KANK1: variants seen among roughly 807,000 people sequenced by gnomAD.
KANK1 encodes the protein KN motif and ankyrin repeat domain-containing protein 1.
A neutral mutation model predicts 106.2 loss-of-function variants in KANK1; 109 were observed. The ratio of observed to expected loss-of-function variants is 1.03; its 90% CI spans 0.88 to 1.20. KANK1 has a LOEUF of 1.20. KANK1 is among the 50% of genes most tolerant of loss of function. The probability of loss-of-function intolerance (pLI) is 0.00; values close to 1 mark genes in which losing one functional copy is unlikely to be tolerated. For synonymous variants in KANK1, 873 were observed against 652.2 expected (o/e 1.34, Z -5.16); for missense variants, 2,399 against 1,710.7 (o/e 1.40, Z -7.10).
chr9:666,495 G>C (rs901587341), intron 1 of KANK1, among the ~76,000 whole-genome samples: 1 of 152,006 alleles, frequency 6.6e-6, no homozygotes, highest in East Asian at 1.9e-4. Flanking sequence ...TGAAAGTAGT[G>C]AAAGTGCACC....
At chr9:515,116 G>A (rs2059220044) in intron 1 of KANK1, among the ~76,000 whole-genome samples, 1 of 151,676 alleles carries the variant, frequency 6.6e-6, no homozygotes, top group African/African-American at 2.4e-5. Context: ...GGCAGAGGCG[G>A]GTGGATCATG....
At chr9:530,853 T>TG (rs1208901955) in intron 1 of KANK1, among the ~76,000 whole-genome samples, 1 of 152,076 alleles carries the variant, frequency 6.6e-6, no homozygotes, top group Non-Finnish European at 1.5e-5. Context: ...CCAGACGTGG[T>TG]GGGGCATGCC....
At chr9:610,352 C>T (rs190537775) in intron 1 of KANK1, among the ~76,000 whole-genome samples, 7 of 151,806 alleles carry the variant, frequency 4.6e-5, no homozygotes, top group Non-Finnish European at 8.8e-5. Flanking sequence ...CATGATGAGA[C>T]CTTAAGCAAA....
intron 1 of KANK1, among the ~76,000 whole-genome samples, chr9:508,258 C>G (rs1439278224): frequency 6.6e-6 from 1 of 150,510 alleles, no homozygotes; most frequent in Admixed American, 6.7e-5. Context: ...CTGCCTCAGC[C>G]TCCTGAGTAG....
chr9:549,802 G>C (rs942403835), intron 1 of KANK1: 1 of 152,286 alleles, frequency 6.6e-6, no homozygotes, highest in Non-Finnish European at 1.5e-5. Flanking sequence ...CCTCACGCAG[G>C]TGGCGGTTAT....
chr9:542,061 C>T (rs2060635392), intron 1 of KANK1, among the ~76,000 whole-genome samples: 1 of 151,762 alleles, frequency 6.6e-6, no homozygotes, highest in Non-Finnish European at 1.5e-5. Flanking sequence ...TGCACTCCAG[C>T]CTGGGCGACA....
chr9:698,874 C>T (rs1201346359), intron 2 of KANK1, among the ~76,000 whole-genome samples: 2 of 152,156 alleles, frequency 1.3e-5, no homozygotes, highest in Non-Finnish European at 2.9e-5. Flanking sequence ...TATTAAAATG[C>T]AAATCTGATC....
intron 1 of KANK1, among the ~76,000 whole-genome samples, chr9:572,812 A>G (rs1301094787): frequency 6.6e-6 from 1 of 152,168 alleles, no homozygotes; most frequent in Non-Finnish European, 1.5e-5. Flanking sequence ...TTCTGGCATA[A>G]CGGTCTTCCC....
chr9:691,566 T>C (rs1241680984), intron 2 of KANK1, among the ~76,000 whole-genome samples: 1 of 150,962 alleles, frequency 6.6e-6, no homozygotes, highest in Admixed American at 6.6e-5. Context: ...CAGCCGATAT[T>C]AAATCTTAGT....
At chr9:593,191 T>G (rs1363979377) in intron 1 of KANK1, among the ~76,000 whole-genome samples, 1 of 151,876 alleles carries the variant, frequency 6.6e-6, no homozygotes, top group African/African-American at 2.4e-5. Context: ...AAAAATCCTT[T>G]GGCAGACCAT....
chr9:701,008 G>GT (rs1395654128), intron 2 of KANK1, among the ~76,000 whole-genome samples: 1 of 152,184 alleles, frequency 6.6e-6, no homozygotes, highest in Non-Finnish European at 1.5e-5. Flanking sequence ...TTGTGGTAGA[G>GT]TATGTAGAAA....
At chr9:734,935 G>A in intron 7 of KANK1, 100 bp downstream of exon 7, 3 of 822,026 alleles carry the variant, frequency 3.6e-6, no homozygotes, top group Middle Eastern at 2.3e-4. Context: ...TTGCTTGCAT[G>A]CTTTTCTCCT....
intron 2 of KANK1, chr9:693,934 G>A (rs1820592994): frequency 1.6e-6 from 1 of 623,728 alleles, no homozygotes. Context: ...CTTGATTTTT[G>A]GTCCAGTGAA....
chr9:547,717 A>G (rs1329610175), intron 1 of KANK1, among the ~76,000 whole-genome samples: 1 of 152,096 alleles, frequency 6.6e-6, no homozygotes, highest in Non-Finnish European at 1.5e-5. Context: ...ACCATTATAT[A>G]AACGGTATGA....
intron 1 of KANK1, among the ~76,000 whole-genome samples, chr9:506,874 G>A (rs976022987): frequency 6.6e-6 from 1 of 152,198 alleles, no homozygotes; most frequent in African/African-American, 2.4e-5. Context: ...GCTGAGGACT[G>A]TTGAGATGGA....
chr9:697,616 G>T (rs1325231936), intron 2 of KANK1, among the ~76,000 whole-genome samples: 1 of 151,972 alleles, frequency 6.6e-6, no homozygotes, highest in African/African-American at 2.4e-5. Context: ...CTAATAATTG[G>T]TCCATGGTGA....
chr9:536,725 C>A (rs1405187541), intron 1 of KANK1, among the ~76,000 whole-genome samples: 2 of 152,158 alleles, frequency 1.3e-5, no homozygotes, highest in Admixed American at 1.3e-4. Flanking sequence ...AATCTTAATG[C>A]CGTCTGCACA....
intron 1 of KANK1, among the ~76,000 whole-genome samples, chr9:563,657 A>G (rs1015178000): frequency 1.3e-5 from 2 of 152,152 alleles, no homozygotes; most frequent in African/African-American, 4.8e-5. Context: ...TGAGGTCAGA[A>G]GTGTCAGTGA....
At chr9:583,709 A>G (rs947284956) in intron 1 of KANK1, among the ~76,000 whole-genome samples, 2 of 150,512 alleles carry the variant, frequency 1.3e-5, no homozygotes, top group East Asian at 1.9e-4. Context: ...TCCATTATAT[A>G]GTAATATATA....
Sources: allele counts gnomAD v4.1 joint callset (sites outside exome capture counted in the v4.1 genomes callset), GRCh38; gene constraint gnomAD v4.1.1; transcripts MANE v1.5; gene names NCBI Gene and HGNC (gene_info 2026-07-23, HGNC 2026-07-21).